Variants in EIF5B observed in about 807,000 individuals in gnomAD.
The protein encoded by EIF5B is eukaryotic translation initiation factor 5B.
A neutral mutation model predicts 147.5 loss-of-function variants in EIF5B; 47 were observed. The ratio of observed to expected loss-of-function variants is 0.32; its 90% CI spans 0.25 to 0.41. The LOEUF (loss-of-function observed/expected upper bound fraction) is 0.41. Among genes scored for constraint, EIF5B ranks in the 10% least tolerant of loss-of-function variants. The probability of loss-of-function intolerance (pLI) is 1.00; values close to 1 mark genes in which losing one functional copy is unlikely to be tolerated. For synonymous variants in EIF5B, 455 were observed against 456.2 expected (o/e 1.00, Z 0.03); for missense variants, 1,064 against 1,413.2 (o/e 0.75, Z 3.96).
At chr2:99,347,382 A>G (rs1480941890) in intron 1 of EIF5B, among the ~76,000 whole-genome samples, 5 of 152,236 alleles carry the variant, frequency 3.3e-5, no homozygotes, top group Non-Finnish European at 1.5e-5. Context: ...GATTTGAAAG[A>G]TGATGCCACG....
intron 1 of EIF5B, among the ~76,000 whole-genome samples, chr2:99,357,544 A>G (rs1055720495): frequency 1.3e-5 from 2 of 152,258 alleles, no homozygotes; most frequent in African/African-American, 4.8e-5. Flanking sequence ...AGCCTTTCAG[A>G]CTTAATAATG....
intron 1 of EIF5B, among the ~76,000 whole-genome samples, chr2:99,339,710 C>T (rs1409756164): frequency 6.6e-6 from 1 of 151,994 alleles, no homozygotes; most frequent in Non-Finnish European, 1.5e-5. Context: ...CAGGCTCTTT[C>T]ACAATAGAAA....
chr2:99,371,387 C>A (rs1574930862), intron 8 of EIF5B, among the ~76,000 whole-genome samples: 1 of 151,218 alleles, frequency 6.6e-6, no homozygotes, highest in African/African-American at 2.4e-5. Flanking sequence ...ACTTGGGAGG[C>A]TGAGGCAGGA....
At chr2:99,342,610 T>G (rs995249925) in intron 1 of EIF5B, among the ~76,000 whole-genome samples, 3 of 128,482 alleles carry the variant, frequency 2.3e-5, no homozygotes, top group African/African-American at 8.8e-5. Flanking sequence ...ATTGTAAAAT[T>G]TTGTCTTTTT....
At chr2:99,369,155 C>G (rs1484255397) in intron 7 of EIF5B, among the ~76,000 whole-genome samples, 2 of 152,138 alleles carry the variant, frequency 1.3e-5, no homozygotes, top group Non-Finnish European at 1.5e-5. Flanking sequence ...TGCCTGTAAT[C>G]CCAGCTACTT....
At chr2:99,347,304 G>A (rs2094275416) in intron 1 of EIF5B, among the ~76,000 whole-genome samples, 1 of 152,154 alleles carries the variant, frequency 6.6e-6, no homozygotes, top group Non-Finnish European at 1.5e-5. Context: ...ACTGTGCCAG[G>A]CCCCCAAATA....
Position 99,360,284 on chromosome 2 carries a change from A to T in EIF5B, c.84A>T (p.Gly28=). ...ATGCCTTGGCTGCAGAAATAGAAGG[A>T]GCTGGTGCTGCCAAAGAACAGGAGC... The part of the protein sequence containing the change: ...DLDALAAEIE[G]AGAAKEQEPQ... The change falls in exon 2 of 24, where the codon GGA becomes GGT. Residue 28 remains glycine (G), a synonymous_variant. Coordinates refer to ENST00000289371, the MANE Select transcript of EIF5B (RefSeq NM_015904.4). The T allele has an allele frequency of 6.2e-7, 1 of 1,611,608 alleles. No individual in the cohort carries two copies. The highest frequency in any genetic ancestry group is 8.5e-7 in the Non-Finnish European group (1 of 1,179,252).
chr2:99,373,573 T>G (rs1387416630), intron 9 of EIF5B, among the ~76,000 whole-genome samples: 3 of 152,308 alleles, frequency 2.0e-5, no homozygotes, highest in African/African-American at 7.2e-5. Context: ...GATTATGTTT[T>G]AAACATGAAT....
intron 6 of EIF5B, among the ~76,000 whole-genome samples, chr2:99,367,926 A>G (rs971602462): frequency 3.3e-5 from 5 of 152,248 alleles, no homozygotes; most frequent in Admixed American, 6.5e-5. Context: ...GAAAATGTTC[A>G]TACCTGCTTT....
chr2:99,376,713 G>T (rs10179343), intron 10 of EIF5B, 77 bp downstream of exon 10: 1 of 1,488,618 alleles, frequency 6.7e-7, no homozygotes, highest in African/African-American at 1.4e-5. Flanking sequence ...ACAACTAAAG[G>T]CTTTGAACAG....
At chr2:99,385,942 T>A (rs1674797318) in intron 14 of EIF5B, among the ~76,000 whole-genome samples, 1 of 152,266 alleles carries the variant, frequency 6.6e-6, no homozygotes, top group South Asian at 2.1e-4. Flanking sequence ...TAGTTTTGCC[T>A]GTTTTATGAT....
intron 12 of EIF5B, among the ~76,000 whole-genome samples, chr2:99,381,036 T>C (rs2104226942): frequency 6.6e-6 from 1 of 152,312 alleles, no homozygotes; most frequent in East Asian, 1.9e-4. Flanking sequence ...CCTATGATCG[T>C]TTTACATCTT....
At chr2:99,392,218 G>T (rs1674951684) in intron 17 of EIF5B, among the ~76,000 whole-genome samples, 1 of 151,882 alleles carries the variant, frequency 6.6e-6, no homozygotes, top group Non-Finnish European at 1.5e-5. Context: ...GGGATTACAG[G>T]TGCACGCCAC....
intron 1 of EIF5B, among the ~76,000 whole-genome samples, chr2:99,342,884 T>C (rs1019233459): frequency 2.6e-5 from 4 of 152,144 alleles, no homozygotes; most frequent in Non-Finnish European, 5.9e-5. Flanking sequence ...TCCTCCCATC[T>C]CAGCCTCTCA....
intron 18 of EIF5B, 146 bp from the exon 19 acceptor site, chr2:99,394,121 C>G (rs766203997): frequency 9.7e-7 from 1 of 1,026,186 alleles, no homozygotes; most frequent in Non-Finnish European, 1.4e-6. Context: ...CATTCCAGCA[C>G]AGGTTCTGTG....
chr2:99,379,467 A>G (rs1268759401), intron 12 of EIF5B, 39 bp downstream of exon 12: 1 of 1,484,714 alleles, frequency 6.7e-7, no homozygotes, highest in African/African-American at 1.4e-5. Context: ...ATCTCTGACA[A>G]AAATTAAGAT....
chr2:99,347,037 AC>A (rs1171387305), intron 1 of EIF5B, among the ~76,000 whole-genome samples: 2 of 152,034 alleles, frequency 1.3e-5, no homozygotes, highest in Non-Finnish European at 2.9e-5. Context: ...ACAGAATCCC[AC>A]CCTGTCGCCC....
intron 1 of EIF5B, chr2:99,338,347 A>G (rs1434545986): frequency 1.6e-6 from 2 of 1,289,028 alleles, no homozygotes; most frequent in Non-Finnish European, 2.0e-6. Flanking sequence ...TCTGTGTGTC[A>G]CATTCGATTG....
intron 1 of EIF5B, among the ~76,000 whole-genome samples, chr2:99,347,296 T>A (rs2094275408): frequency 6.6e-6 from 1 of 152,204 alleles, no homozygotes; most frequent in Non-Finnish European, 1.5e-5. Flanking sequence ...CATGAGCCAC[T>A]GTGCCAGGCC....
Sources: allele counts gnomAD v4.1 joint callset (sites outside exome capture counted in the v4.1 genomes callset), GRCh38; gene constraint gnomAD v4.1.1; transcripts MANE v1.5; gene names NCBI Gene and HGNC (gene_info 2026-07-23, HGNC 2026-07-21).